The following LMNB1 variants were observed in gnomAD, a reference collection of about 807,000 sequenced individuals.
The protein encoded by LMNB1 is lamin-B1.
LMNB1 carries 23 observed loss-of-function variants against 67.1 expected under a neutral mutation model. The observed-to-expected ratio is 0.34, with a 90% CI of 0.25 to 0.49. The LOEUF is 0.49. Among genes scored for constraint, LMNB1 ranks in the 20% least tolerant of loss-of-function variants. The pLI is 0.99. For missense variants in LMNB1, 634 were observed against 746.5 expected (o/e 0.85, Z 1.76); for synonymous variants, 281 against 282.9 (o/e 0.99, Z 0.07).
Position 126,777,361 on chromosome 5 carries a change from G to C in LMNB1, c.-148G>C. On this transcript the variant is annotated 5_prime_UTR_variant, in exon 1 of 11. Transcript: ENST00000261366. ...TGTAATCGAGCTCCCGCCATCCCAG[G>C]TGCTTCTCCGTTCCTCTAAACGCCA... The C allele has an allele frequency of 1.1e-6, 1 of 914,376 alleles. No individual in the cohort carries two copies. The highest frequency in any genetic ancestry group is 1.7e-5 in the African/African-American group (1 of 57,612). The allele number at this position is 914,376 out of a possible 1,614,324, so 56.6% of individuals were successfully genotyped here.
At chr5:126,813,383 C>T (rs1751626265) in intron 5 of LMNB1, among the ~76,000 whole-genome samples, 1 of 152,214 alleles carries the variant, frequency 6.6e-6, no homozygotes, top group South Asian at 2.1e-4. Context: ...TGCCCAGAGG[C>T]TGCAGACTGA....
At chr5:126,795,628 T>G (rs1310667501) in intron 1 of LMNB1, among the ~76,000 whole-genome samples, 6 of 152,142 alleles carry the variant, frequency 3.9e-5, no homozygotes, top group Non-Finnish European at 8.8e-5. Flanking sequence ...TTTTGTTTGT[T>G]CATTTGTTTG....
At chr5:126,780,811 G>C (rs1233525414) in intron 1 of LMNB1, among the ~76,000 whole-genome samples, 1 of 151,980 alleles carries the variant, frequency 6.6e-6, no homozygotes, top group Non-Finnish European at 1.5e-5. Flanking sequence ...TTTGAATTAG[G>C]ACTTTTTTTA....
intron 5 of LMNB1, among the ~76,000 whole-genome samples, chr5:126,812,718 CTTTTTTTTT>C (rs11430160): frequency 7.7e-4 from 90 of 117,126 alleles, no homozygotes; most frequent in East Asian, 4.9e-3. Context: ...CTTTATTTTA[CTTTTTTTTT>C]TTTTTTTTTT....
chr5:126,829,021 A>T (rs954256519), intron 9 of LMNB1, among the ~76,000 whole-genome samples: 1 of 152,118 alleles, frequency 6.6e-6, no homozygotes, highest in Non-Finnish European at 1.5e-5. Context: ...CGATAAGACC[A>T]TATTTGTCAG....
rs1021872186 is a variant in LMNB1 at position 126,836,534 on chromosome 5, T to C, written c.*270T>C. ...GGGTTCCTCAAATTTTTTGACTTTT[T>C]TTGTATGTGTGTTTTTTCTTTTTTT... On this transcript the variant is annotated 3_prime_UTR_variant, in exon 11 of 11. Coordinates refer to ENST00000261366, the MANE Select transcript of LMNB1 (RefSeq NM_005573.4). 1.5e-4 allele frequency: 54 copies of C among 363,492 alleles called. No individual in the cohort carries two copies. Among genetic ancestry groups the C allele is most frequent in the Non-Finnish European group, 2.5e-4 (52 of 205,784 alleles). 22.5% of individuals were successfully genotyped at this position (363,492 alleles called of 1,614,324 possible).
intron 1 of LMNB1, among the ~76,000 whole-genome samples, chr5:126,778,284 C>CA (rs955382067): frequency 6.6e-6 from 1 of 152,096 alleles, no homozygotes. Context: ...CGGCGCGAGA[C>CA]AAAGCGTCTA....
At chr5:126,818,778 T>G (rs914741242) in intron 5 of LMNB1, 144 bp from the exon 6 acceptor site, 3 of 643,390 alleles carry the variant, frequency 4.7e-6, no homozygotes, top group Non-Finnish European at 8.1e-6. Flanking sequence ...TGGGTTTTAA[T>G]TTCTTAAAAT....
chr5:126,777,419 T>TGCCTTCGGTCCCCGCTTCGC lies in LMNB1; in HGVS notation c.-89_-70dup, dbSNP rs1750486546. ...GACGTGAGCGCAGGTCGCCGGTTTGTGCCTTCGGTCCCCGCTTCGCCCCCT... is the reference window on the plus strand; with the variant it reads ...GACGTGAGCGCAGGTCGCCGGTTTGTGCCTTCGGTCCCCGCTTCGCGCCTTCGGTCCCCGCTTCGCCCCCT... On this transcript the variant is annotated 5_prime_UTR_variant, in exon 1 of 11. Transcript: ENST00000261366. The TGCCTTCGGTCCCCGCTTCGC allele has an allele frequency of 8.0e-7, 1 of 1,243,780 alleles. No individual in the cohort carries two copies. The highest frequency in any genetic ancestry group is 1.0e-6 in the Non-Finnish European group (1 of 994,248). 77.0% of individuals were successfully genotyped at this position (1,243,780 alleles called of 1,614,324 possible).
At chr5:126,798,178 G>A (rs1211699446) in intron 1 of LMNB1, among the ~76,000 whole-genome samples, 2 of 150,960 alleles carry the variant, frequency 1.3e-5, no homozygotes, top group African/African-American at 4.9e-5. Context: ...AGCTGGGCGC[G>A]GTGGCTCACC....
intron 1 of LMNB1, among the ~76,000 whole-genome samples, chr5:126,786,001 A>G (rs894824754): frequency 1.3e-5 from 2 of 151,640 alleles, no homozygotes; most frequent in Non-Finnish European, 2.9e-5. Flanking sequence ...GTGACAAAGC[A>G]AGACTCCCTT....
rs1267289859 is a variant in LMNB1 at position 126,810,178 on chromosome 5, A to G, written c.643-2A>G. The G allele has an allele frequency of 6.2e-7, 1 of 1,607,654 alleles. No homozygotes were observed. Among genetic ancestry groups the G allele is most frequent in the African/African-American group, 1.3e-5 (1 of 74,948 alleles). On this transcript the variant is annotated splice_acceptor_variant, in intron 3 of 10. Transcript: ENST00000261366. LOFTEE classifies it high-confidence loss of function. The stretch of plus-strand genomic sequence containing the variant: ...GCTTTATGCTTTTTGTTTTTTCCCC[A>G]GGAGATTAACGAGACCAGAAGGAAG...
rs184624087 is a variant in LMNB1, at chr5:126,796,145, T to G, written c.360-8631T>G. On this transcript the variant is annotated intron_variant, in intron 1 of 10. Coordinates refer to ENST00000261366, the MANE Select transcript of LMNB1 (RefSeq NM_005573.4). ...CAGGGTTTCTCTGTGTTGAGGCTGGTCTCGAGCTCTTGACCTCAGGTGATC... is the reference window on the plus strand; with the variant it reads ...CAGGGTTTCTCTGTGTTGAGGCTGGGCTCGAGCTCTTGACCTCAGGTGATC... Among the ~76,000 whole-genome samples, 539 of 151,858 alleles carry G rather than the reference T, an allele frequency of 3.5e-3. 3 individuals are homozygous for G. Among genetic ancestry groups the G allele is most frequent in the Non-Finnish European group, 5.3e-3 (357 of 67,962 alleles).
chr5:126,806,950 TG>T (rs1171682295), intron 3 of LMNB1, among the ~76,000 whole-genome samples: 1 of 152,094 alleles, frequency 6.6e-6, no homozygotes, highest in Non-Finnish European at 1.5e-5. Context: ...GCTAATTTTT[TG>T]TATTTTTAAT....
chr5:126,833,380 A>G (rs567050021), intron 10 of LMNB1, among the ~76,000 whole-genome samples: 38 of 152,322 alleles, frequency 2.5e-4, no homozygotes, highest in African/African-American at 8.2e-4. Context: ...TATATTCTCA[A>G]GCTGTTTGAG....
intron 3 of LMNB1, among the ~76,000 whole-genome samples, chr5:126,807,847 T>C (rs1751484941): frequency 6.6e-6 from 1 of 151,950 alleles, no homozygotes; most frequent in African/African-American, 2.4e-5. Flanking sequence ...AAGATAGTCC[T>C]CTTCAGTTTT....
chr5:126,794,920 A>G (rs1487376018), intron 1 of LMNB1, among the ~76,000 whole-genome samples: 2 of 152,172 alleles, frequency 1.3e-5, no homozygotes, highest in Non-Finnish European at 2.9e-5. Context: ...ACTGACACAA[A>G]CTGACCAAGA....
chr5:126,789,286 G>A (rs1416691516), intron 1 of LMNB1, among the ~76,000 whole-genome samples: 2 of 152,114 alleles, frequency 1.3e-5, no homozygotes, highest in Non-Finnish European at 2.9e-5. Context: ...TCTCTCTAAG[G>A]TTGTGTCCTA....
At chr5:126,818,369 G>C (rs1751764329) in intron 5 of LMNB1, among the ~76,000 whole-genome samples, 1 of 151,510 alleles carries the variant, frequency 6.6e-6, no homozygotes, top group African/African-American at 2.4e-5. Flanking sequence ...CTCCCAAGTA[G>C]CTGGGATTAC....
Sources: allele counts gnomAD v4.1 joint callset (sites outside exome capture counted in the v4.1 genomes callset), GRCh38; gene constraint gnomAD v4.1.1; transcripts MANE v1.5; gene names NCBI Gene and HGNC (gene_info 2026-07-23, HGNC 2026-07-21).